Variants in GABRB1 observed in about 807,000 individuals in gnomAD.
The protein encoded by GABRB1 is gamma-aminobutyric acid type A receptor subunit beta1.
Under a neutral mutation model 51.6 loss-of-function variants are expected in GABRB1, and 17 were observed. That is an observed-to-expected ratio of 0.33 (90% confidence interval 0.23 to 0.49). The LOEUF (loss-of-function observed/expected upper bound fraction) is 0.49. Among genes scored for constraint, GABRB1 ranks in the 20% least tolerant of loss-of-function variants. The probability of loss-of-function intolerance (pLI) is 0.99; values close to 1 mark genes in which losing one functional copy is unlikely to be tolerated. For synonymous variants in GABRB1, 247 were observed against 218.9 expected, an observed-to-expected ratio of 1.13 and a Z score of -1.14; for missense variants, 410 against 600.6, an observed-to-expected ratio of 0.68 and a Z score of 3.32.
chr4:47,386,403 G>A (rs571555083), intron 5 of GABRB1, among the ~76,000 whole-genome samples: 7 of 152,248 alleles, frequency 4.6e-5, no homozygotes, highest in African/African-American at 1.7e-4. Context: ...CAAATAAAAT[G>A]TAGAGGCTAC....
intron 4 of GABRB1, among the ~76,000 whole-genome samples, chr4:47,223,446 G>T (rs766356543): frequency 2.6e-5 from 4 of 152,048 alleles, no homozygotes; most frequent in Admixed American, 6.6e-5. Flanking sequence ...CTATAGAAAT[G>T]AACTGACATT....
chr4:47,230,732 G>T (rs1415337611), intron 4 of GABRB1, among the ~76,000 whole-genome samples: 1 of 152,112 alleles, frequency 6.6e-6, no homozygotes, highest in Non-Finnish European at 1.5e-5. Context: ...AAAAACAGTG[G>T]CTCAAACACT....
chr4:47,150,595 A>G (rs1343510730), intron 3 of GABRB1, among the ~76,000 whole-genome samples: 1 of 151,330 alleles, frequency 6.6e-6, no homozygotes, highest in African/African-American at 2.4e-5. Flanking sequence ...AGGAAAGATT[A>G]CAGAAATAAA....
chr4:47,172,395 A>G (rs1465494990), intron 4 of GABRB1, among the ~76,000 whole-genome samples: 1 of 152,160 alleles, frequency 6.6e-6, no homozygotes, highest in African/African-American at 2.4e-5. Flanking sequence ...ATTTACAGGA[A>G]GTAGTGCCTC....
intron 8 of GABRB1, among the ~76,000 whole-genome samples, chr4:47,409,225 T>C (rs1715012648): frequency 6.6e-6 from 1 of 152,206 alleles, no homozygotes; most frequent in Admixed American, 6.5e-5. Flanking sequence ...CTCTGCCATC[T>C]GCAGACAGCT....
At chr4:47,167,870 T>C (rs940724801) in intron 4 of GABRB1, among the ~76,000 whole-genome samples, 1 of 152,142 alleles carries the variant, frequency 6.6e-6, no homozygotes, top group Non-Finnish European at 1.5e-5. Flanking sequence ...CTTGGATTGC[T>C]CAGCCTCCAG....
At chr4:47,402,941 T>A (rs1014474366) in intron 5 of GABRB1, among the ~76,000 whole-genome samples, 1 of 152,212 alleles carries the variant, frequency 6.6e-6, no homozygotes, top group African/African-American at 2.4e-5. Context: ...TCAATTATTA[T>A]TACTTGTTGT....
At chr4:47,367,560 C>T (rs1033343890) in intron 5 of GABRB1, among the ~76,000 whole-genome samples, 2 of 152,188 alleles carry the variant, frequency 1.3e-5, no homozygotes, top group Non-Finnish European at 2.9e-5. Flanking sequence ...AAGGAACCAA[C>T]AAATGACAGA....
At chr4:47,106,471 A>G (rs997223644) in intron 3 of GABRB1, among the ~76,000 whole-genome samples, 10 of 152,102 alleles carry the variant, frequency 6.6e-5, no homozygotes, top group Non-Finnish European at 1.3e-4. Context: ...AGTTAACTTA[A>G]GCTTCATTAT....
chr4:47,278,966 G>C (rs1723179967), intron 4 of GABRB1, among the ~76,000 whole-genome samples: 1 of 152,104 alleles, frequency 6.6e-6, no homozygotes, highest in Non-Finnish European at 1.5e-5. Flanking sequence ...AGTGCTAGGT[G>C]CTATATTGCT....
intron 4 of GABRB1, among the ~76,000 whole-genome samples, chr4:47,239,502 TG>T (rs1415975351): frequency 6.6e-6 from 1 of 152,188 alleles, no homozygotes; most frequent in Non-Finnish European, 1.5e-5. Context: ...GTATTAGCAA[TG>T]GGCTTGTCCA....
At chr4:47,221,540 T>C (rs879395879) in intron 4 of GABRB1, among the ~76,000 whole-genome samples, 83 of 152,100 alleles carry the variant, frequency 5.5e-4, no homozygotes, top group Middle Eastern at 3.4e-3. Context: ...ATTGAAATAA[T>C]ATAGGCATAC....
At chr4:47,239,774 G>C (rs779582571) in intron 4 of GABRB1, among the ~76,000 whole-genome samples, 46 of 152,250 alleles carry the variant, frequency 3.0e-4, no homozygotes, top group Non-Finnish European at 6.5e-4. Context: ...CACTTTCCTA[G>C]CGATCTGCAG....
At chr4:47,312,470 T>C (rs1724728510) in intron 4 of GABRB1, among the ~76,000 whole-genome samples, 1 of 152,198 alleles carries the variant, frequency 6.6e-6, no homozygotes. Flanking sequence ...CCCATCCATC[T>C]TCTCTCATCA....
chr4:47,333,208 A>G (rs1410698470), intron 5 of GABRB1, among the ~76,000 whole-genome samples: 38 of 19,358 alleles, frequency 2.0e-3, no homozygotes, highest in South Asian at 8.3e-3. Flanking sequence ...ATATATATAT[A>G]TATATATATA....
intron 5 of GABRB1, among the ~76,000 whole-genome samples, chr4:47,397,728 A>C (rs1262069727): frequency 1.3e-5 from 2 of 151,748 alleles, no homozygotes; most frequent in Non-Finnish European, 2.9e-5. Context: ...CACCATGCTC[A>C]GCTAATTTTT....
chr4:47,414,428 C>A (rs1728851251), intron 8 of GABRB1, among the ~76,000 whole-genome samples: 1 of 152,144 alleles, frequency 6.6e-6, no homozygotes, highest in Non-Finnish European at 1.5e-5. Context: ...AGATAAAAGA[C>A]AAATGGTTGC....
At chr4:47,314,627 G>T (rs1008020907) in intron 4 of GABRB1, among the ~76,000 whole-genome samples, 2 of 151,672 alleles carry the variant, frequency 1.3e-5, no homozygotes, top group African/African-American at 4.8e-5. Context: ...TAAAACTATT[G>T]TTACTTTTTG....
chr4:47,224,046 G>A (rs939033031), intron 4 of GABRB1, among the ~76,000 whole-genome samples: 8 of 152,018 alleles, frequency 5.3e-5, no homozygotes, highest in Non-Finnish European at 1.2e-4. Context: ...ACTGACAGCT[G>A]AATTATTGTG....
Sources: allele counts gnomAD v4.1 joint callset (sites outside exome capture counted in the v4.1 genomes callset), GRCh38; gene constraint gnomAD v4.1.1; transcripts MANE v1.5; gene names NCBI Gene and HGNC (gene_info 2026-07-23, HGNC 2026-07-21).